The following CDC14B variants were observed in gnomAD, a reference collection of about 807,000 sequenced individuals.
CDC14B encodes the protein dual specificity protein phosphatase CDC14B.
In CDC14B, 22 loss-of-function variants were observed where a neutral mutation model predicts 64.2. The observed-to-expected ratio is 0.34, with a 90% confidence interval of 0.24 to 0.49. CDC14B has a LOEUF of 0.49. Among genes scored for constraint, CDC14B ranks in the 20% least tolerant of loss-of-function variants. CDC14B has a pLI of 0.99. For synonymous variants in CDC14B, 191 were observed against 215.8 expected (o/e 0.89, Z 1.01); for missense variants, 498 against 629.9 (o/e 0.79, Z 2.24).
Position 96,515,510 on chromosome 9 carries a change from G to T in CDC14B, c.1344-5721C>A. Reference sequence around the variant, plus strand: ...CCTCCCCACCACCATCCCATTAATTGAAAAGATTCAGAAAAAGAACCTTTG... The same window carrying T: ...CCTCCCCACCACCATCCCATTAATTTAAAAGATTCAGAAAAAGAACCTTTG... On this transcript the variant is annotated intron_variant, in intron 12 of 13. Coordinates refer to ENST00000375241, the MANE Select transcript of CDC14B (RefSeq NM_033331.4). The surrounding 1 kb of genome is among the most constrained non-coding windows in gnomAD (Gnocchi z 4.3). 1 of 802,600 alleles carries T rather than the reference G, an allele frequency of 1.2e-6. No homozygotes were observed. The highest frequency in any genetic ancestry group is 1.9e-6 in the Non-Finnish European group (1 of 538,716). The allele number at this position is 802,600 out of a possible 1,614,324, so 49.7% of individuals were successfully genotyped here. A position where few individuals can be genotyped will look rare whatever the true frequency, so the allele number is the denominator to read the frequency against.
intron 1 of CDC14B, among the ~76,000 whole-genome samples, chr9:96,615,320 C>T (rs1298600698): frequency 6.6e-6 from 1 of 152,002 alleles, no homozygotes; most frequent in Non-Finnish European, 1.5e-5. Flanking sequence ...AGAGTAAATG[C>T]CCAGTATAGT....
intron 1 of CDC14B, among the ~76,000 whole-genome samples, chr9:96,579,431 C>A (rs1421549254): frequency 1.3e-5 from 2 of 151,894 alleles, no homozygotes; most frequent in African/African-American, 4.8e-5. Flanking sequence ...ACCAAAAATA[C>A]AAAAAATTAG....
chr9:96,496,813 AGCACCGAG>A (rs1833267372), downstream of CDC14B, among the ~76,000 whole-genome samples: 1 of 152,112 alleles, frequency 6.6e-6, no homozygotes, highest in South Asian at 2.1e-4. Context: ...CCGGCCCGAG[AGCACCGAG>A]GCGGCTTCTC....
At chr9:96,569,309 G>A (rs1490658108) in intron 1 of CDC14B, among the ~76,000 whole-genome samples, 1 of 152,124 alleles carries the variant, frequency 6.6e-6, no homozygotes, top group Non-Finnish European at 1.5e-5. Flanking sequence ...TTTAAACAAG[G>A]GAACTGGTTA....
chr9:96,609,154 G>A (rs1284154580), intron 1 of CDC14B, among the ~76,000 whole-genome samples: 1 of 152,024 alleles, frequency 6.6e-6, no homozygotes, highest in Admixed American at 6.6e-5. Context: ...AGTAGAGATG[G>A]GGTATCACCA....
chr9:96,539,377 G>A (rs930824688), intron 6 of CDC14B, among the ~76,000 whole-genome samples: 3 of 152,156 alleles, frequency 2.0e-5, no homozygotes, highest in Non-Finnish European at 4.4e-5. Context: ...GATTTTGTTT[G>A]TGAGATGTGC....
chr9:96,605,770 A>G (rs1348362710), intron 1 of CDC14B, among the ~76,000 whole-genome samples: 1 of 151,656 alleles, frequency 6.6e-6, no homozygotes, highest in African/African-American at 2.4e-5. Context: ...CTGAGGCTGG[A>G]GAATCGTTTG....
At chr9:96,540,460 T>C (rs1839887516) in intron 6 of CDC14B, among the ~76,000 whole-genome samples, 1 of 151,856 alleles carries the variant, frequency 6.6e-6, no homozygotes, top group African/African-American at 2.4e-5. Flanking sequence ...TAGTGAGACC[T>C]CATCTCCACA....
In CDC14B at chr9:96,619,607, G is replaced by C. The variant is rs1332209527; in HGVS notation, c.-229C>G. 1 of 147,362 alleles carries C rather than the reference G, an allele frequency of 6.8e-6. No homozygotes were observed. Among genetic ancestry groups the C allele is most frequent in the Non-Finnish European group, 1.5e-5 (1 of 66,642 alleles). 9.1% of individuals were successfully genotyped at this position (147,362 alleles called of 1,614,324 possible). A position where few individuals can be genotyped will look rare whatever the true frequency, so the allele number is the denominator to read the frequency against. On this transcript the variant is annotated 5_prime_UTR_variant, in exon 1 of 14. Transcript: ENST00000375241. ...TGCCTCCCGCGGCCGCCGCAGGACC[G>C]GCGCCGCAGCCCTCGCTACAGCGCC... is the stretch of plus-strand genomic sequence containing the variant.
At chr9:96,599,474 A>G (rs1174153829) in intron 1 of CDC14B, among the ~76,000 whole-genome samples, 1 of 152,194 alleles carries the variant, frequency 6.6e-6, no homozygotes, top group East Asian at 1.9e-4. Flanking sequence ...AGTTGAGAAC[A>G]CTAAATGCAG....
intron 7 of CDC14B, 66 bp downstream of exon 7, chr9:96,539,012 A>T (rs1452408931): frequency 7.0e-6 from 7 of 1,005,390 alleles, no homozygotes; most frequent in Non-Finnish European, 1.1e-5. Context: ...TTATTTGTCA[A>T]TTATTCCCCT....
At chr9:96,610,487 C>G (rs1228524722) in intron 1 of CDC14B, among the ~76,000 whole-genome samples, 1 of 152,018 alleles carries the variant, frequency 6.6e-6, no homozygotes, top group African/African-American at 2.4e-5. Flanking sequence ...CGTGAGCCAC[C>G]GCACCCGGCA....
chr9:96,510,117 T>C (rs1834713545), intron 12 of CDC14B, among the ~76,000 whole-genome samples: 1 of 152,186 alleles, frequency 6.6e-6, no homozygotes, highest in African/African-American at 2.4e-5. Context: ...AGAAGTAGCT[T>C]CTCAGACTTT....
At chr9:96,564,182 C>T (rs536345135) in intron 3 of CDC14B, among the ~76,000 whole-genome samples, 166 of 152,246 alleles carry the variant, frequency 1.1e-3, no homozygotes, top group Non-Finnish European at 1.7e-3. Flanking sequence ...GCATGGCCAA[C>T]AATTCAGTGT....
At chr9:96,494,560 A>G (rs1833168926) in intron 13 of CDC14B, among the ~76,000 whole-genome samples, 1 of 152,094 alleles carries the variant, frequency 6.6e-6, no homozygotes, top group Non-Finnish European at 1.5e-5. Flanking sequence ...CTGCCTGGCC[A>G]CAAAGTTTCC....
downstream of CDC14B, chr9:96,500,006 T>C (rs1012691663): frequency 6.6e-6 from 1 of 152,640 alleles, no homozygotes; most frequent in Non-Finnish European, 1.5e-5. Context: ...ATTATGGCCG[T>C]CCTAGAAAAC....
intron 13 of CDC14B, among the ~76,000 whole-genome samples, chr9:96,494,245 G>A (rs1336034443): frequency 6.6e-6 from 1 of 152,220 alleles, no homozygotes; most frequent in Admixed American, 6.5e-5. Flanking sequence ...GAAAGGACTA[G>A]TCCCTTGGGC....
chr9:96,497,874 T>C (rs1300253552), downstream of CDC14B, among the ~76,000 whole-genome samples: 1 of 152,122 alleles, frequency 6.6e-6, no homozygotes, highest in Non-Finnish European at 1.5e-5. Context: ...GTGGCAGCAC[T>C]TAGGTTTGCA....
At chr9:96,551,028 C>G (rs1014158307) in intron 5 of CDC14B, among the ~76,000 whole-genome samples, 4 of 151,258 alleles carry the variant, frequency 2.6e-5, no homozygotes, top group African/African-American at 9.7e-5. Context: ...CTTAACTTCT[C>G]AGGAACCACA....
Sources: gnomAD v4.1 joint callset for allele counts (sites outside exome capture counted in the v4.1 genomes callset) on GRCh38, gnomAD v4.1.1 for gene constraint, Gnocchi (gnomAD v3.1) non-coding constraint, MANE v1.5 for transcripts, NCBI Gene and HGNC (gene_info 2026-07-23, HGNC 2026-07-21) for gene names.